Variants in SFMBT2 observed in about 807,000 individuals in gnomAD.
SFMBT2 encodes the protein Scm like with four mbt domains 2, also known as scm-like with four MBT domains protein 2.
A neutral mutation model predicts 110.1 loss-of-function variants in SFMBT2; 38 were observed. The ratio of observed to expected loss-of-function variants is 0.35; its 90% CI spans 0.27 to 0.45. The LOEUF (loss-of-function observed/expected upper bound fraction) is 0.45, where lower values mean the gene tolerates loss of function less well. Among genes scored for constraint, SFMBT2 ranks in the 20% least tolerant of loss-of-function variants. The probability of loss-of-function intolerance (pLI) is 1.00; values close to 1 mark genes in which losing one functional copy is unlikely to be tolerated. For synonymous variants in SFMBT2, 425 were observed against 425.4 expected (o/e 1.00, Z 0.01); for missense variants, 1,011 against 1,094.9 (o/e 0.92, Z 1.08).
intron 16 of SFMBT2, among the ~76,000 whole-genome samples, chr10:7,179,258 C>T (rs1411830508): frequency 6.6e-6 from 1 of 151,842 alleles, no homozygotes; most frequent in East Asian, 1.9e-4. Flanking sequence ...AATCCTACAG[C>T]CTTGAATGGC....
At chr10:7,286,230 C>T (rs1366889144) in intron 4 of SFMBT2, 2 of 171,502 alleles carry the variant, frequency 1.2e-5, no homozygotes, top group South Asian at 3.9e-4. Context: ...TTTTCACAAA[C>T]CACAAAGAAA....
chr10:7,280,445 G>C (rs962000383), intron 6 of SFMBT2, among the ~76,000 whole-genome samples: 1 of 152,096 alleles, frequency 6.6e-6, no homozygotes, highest in Non-Finnish European at 1.5e-5. Context: ...ATAAATTCTA[G>C]AAATAGAGAA....
intron 4 of SFMBT2, among the ~76,000 whole-genome samples, chr10:7,294,904 T>C (rs1373597363): frequency 3.9e-5 from 6 of 152,212 alleles, no homozygotes; most frequent in Admixed American, 6.5e-5. Flanking sequence ...ACTATGACAA[T>C]TCAGGTTTCC....
intron 4 of SFMBT2, among the ~76,000 whole-genome samples, chr10:7,312,193 T>C (rs937749657): frequency 2.6e-5 from 4 of 152,092 alleles, no homozygotes; most frequent in African/African-American, 9.7e-5. Flanking sequence ...AACCTGCACA[T>C]TGTGCACATG....
At chr10:7,288,710 A>T (rs756144486) in intron 4 of SFMBT2, among the ~76,000 whole-genome samples, 5 of 152,174 alleles carry the variant, frequency 3.3e-5, no homozygotes, top group Admixed American at 6.5e-5. Context: ...CTTCGTCATT[A>T]ACTCTTGACC....
intron 4 of SFMBT2, among the ~76,000 whole-genome samples, chr10:7,335,403 C>T (rs1048545394): frequency 2.0e-5 from 3 of 152,148 alleles, no homozygotes; most frequent in East Asian, 3.8e-4. Flanking sequence ...AGACGCAGCT[C>T]ACCGGTATAA....
chr10:7,388,065 C>A (rs72775565), intron 1 of SFMBT2, among the ~76,000 whole-genome samples: 7 of 152,080 alleles, frequency 4.6e-5, no homozygotes, highest in Middle Eastern at 3.4e-3. Flanking sequence ...GAGACAGGAA[C>A]GTGGAGCAAG....
intron 1 of SFMBT2, among the ~76,000 whole-genome samples, chr10:7,385,817 G>T (rs981120647): frequency 1.3e-5 from 2 of 152,120 alleles, no homozygotes; most frequent in African/African-American, 4.8e-5. Context: ...GGCTAACACG[G>T]TGAAACCCCG....
chr10:7,349,813 G>T (rs1029630707), intron 4 of SFMBT2, among the ~76,000 whole-genome samples: 1 of 151,976 alleles, frequency 6.6e-6, no homozygotes, highest in Non-Finnish European at 1.5e-5. Flanking sequence ...CTCAGCATGA[G>T]ACCACAAATG....
intron 17 of SFMBT2, among the ~76,000 whole-genome samples, chr10:7,174,568 T>A (rs1837990255): frequency 2.6e-5 from 4 of 152,226 alleles, no homozygotes; most frequent in Admixed American, 2.6e-4. Flanking sequence ...TTTTATTATA[T>A]GAGATCCGGA....
At chr10:7,398,499 G>A (rs940430722) in intron 1 of SFMBT2, among the ~76,000 whole-genome samples, 2 of 152,168 alleles carry the variant, frequency 1.3e-5, no homozygotes, top group Admixed American at 1.3e-4. Flanking sequence ...TTTGCATCAA[G>A]GTACTTCTTG....
Position 7,205,820 on chromosome 10 carries a change from G to T in SFMBT2, c.1439C>A (p.Thr480Lys). ...CTCAACTGGGAACCACTTACAGACT[G>T]TTTTGTGTGGTGCAGTCAAAGGATA... The part of the protein sequence containing the change: ...NSYPLTAPHK[T>K]VSQKKRKIAV... Residue 480 changes from threonine (T) to lysine (K), a missense_variant, in exon 12 of 21, where the codon ACA becomes AAA. By Grantham distance (78) the Thr-to-Lys change is moderately conservative. Around this residue, in one of 2 missense-constraint regions of SFMBT2, gnomAD observed 979 missense variants for 1,016.1 expected, o/e 0.96. Transcript: ENST00000397167. 6.2e-7 allele frequency: 1 copy of T among 1,613,914 alleles called. No homozygotes were observed.
chr10:7,195,854 A>G (rs1344321846), intron 15 of SFMBT2, among the ~76,000 whole-genome samples: 2 of 152,212 alleles, frequency 1.3e-5, no homozygotes, highest in African/African-American at 4.8e-5. Context: ...CTGGACGCTC[A>G]TGTGGGCCAG....
chr10:7,193,265 C>T (rs1296439666), intron 15 of SFMBT2, among the ~76,000 whole-genome samples: 6 of 152,120 alleles, frequency 3.9e-5, no homozygotes, highest in Admixed American at 2.0e-4. Context: ...GAAGCTCATG[C>T]GGAAAACCCA....
At chr10:7,335,284 G>T (rs986839751) in intron 4 of SFMBT2, among the ~76,000 whole-genome samples, 1 of 152,158 alleles carries the variant, frequency 6.6e-6, no homozygotes, top group Non-Finnish European at 1.5e-5. Context: ...GGTCCACATT[G>T]CAAATTGTAT....
At chr10:7,225,626 G>T (rs1564393413) in intron 10 of SFMBT2, among the ~76,000 whole-genome samples, 3 of 152,156 alleles carry the variant, frequency 2.0e-5, no homozygotes, top group Admixed American at 2.0e-4. Context: ...GGAATGTGGT[G>T]ATTTACTCTA....
chr10:7,267,171 T>TG (rs922659143), intron 7 of SFMBT2, among the ~76,000 whole-genome samples: 2 of 152,068 alleles, frequency 1.3e-5, no homozygotes, highest in African/African-American at 4.8e-5. Flanking sequence ...GAAGAGTACC[T>TG]GGCACCTCTT....
chr10:7,305,156 T>C (rs1474049509), intron 4 of SFMBT2, among the ~76,000 whole-genome samples: 6 of 152,188 alleles, frequency 3.9e-5, no homozygotes, highest in Admixed American at 2.6e-4. Context: ...CTCGGGTAAT[T>C]ACTGAATCTC....
intron 4 of SFMBT2, among the ~76,000 whole-genome samples, chr10:7,314,848 C>A (rs1178192994): frequency 6.6e-6 from 1 of 151,158 alleles, no homozygotes; most frequent in Non-Finnish European, 1.5e-5. Flanking sequence ...GCAGAGGTTG[C>A]AGTGAGCCGA....
Sources: allele counts gnomAD v4.1 joint callset (sites outside exome capture counted in the v4.1 genomes callset), GRCh38; gene constraint gnomAD v4.1.1; regional missense constraint gnomAD v4.1.1; transcripts MANE v1.5; gene names NCBI Gene and HGNC (gene_info 2026-07-23, HGNC 2026-07-21).